SNTG1: variants seen among roughly 807,000 people sequenced by gnomAD.
The protein encoded by SNTG1 is gamma-1-syntrophin.
In SNTG1, 39 loss-of-function variants were observed where a neutral mutation model predicts 74.7. The ratio of observed to expected loss-of-function variants is 0.52; its 90% CI spans 0.40 to 0.68. The LOEUF (loss-of-function observed/expected upper bound fraction) is 0.68. SNTG1 is among the 30% of genes least tolerant of loss of function. SNTG1 has a pLI of 0.00. For missense variants in SNTG1, 685 were observed against 609.5 expected, an observed-to-expected ratio of 1.12 and a Z score of -1.30; for synonymous variants, 254 against 217.1, an observed-to-expected ratio of 1.17 and a Z score of -1.49.
At chr8:50,046,701 ATG>A (rs1207021040) in intron 1 of SNTG1, among the ~76,000 whole-genome samples, 2 of 152,154 alleles carry the variant, frequency 1.3e-5, no homozygotes, top group African/African-American at 4.8e-5. Flanking sequence ...TGTTATTTGT[ATG>A]TGTTTGTTTA....
At chr8:50,301,865 T>G (rs1282722944) in intron 2 of SNTG1, among the ~76,000 whole-genome samples, 7 of 109,898 alleles carry the variant, frequency 6.4e-5, no homozygotes, top group Non-Finnish European at 2.1e-5. Flanking sequence ...GTTTTTTGTT[T>G]TTTTTTTTTG....
intron 17 of SNTG1, among the ~76,000 whole-genome samples, chr8:50,720,337 C>A (rs1177063541): frequency 6.7e-6 from 1 of 148,484 alleles, no homozygotes; most frequent in Non-Finnish European, 1.5e-5. Context: ...ATATTACTAA[C>A]TTAGCTAACC....
chr8:50,132,694 C>A (rs1032925449), intron 1 of SNTG1, among the ~76,000 whole-genome samples: 3 of 152,172 alleles, frequency 2.0e-5, no homozygotes, highest in Non-Finnish European at 4.4e-5. Flanking sequence ...ACTCTGCACC[C>A]ATTTTTATAC....
At chr8:50,399,597 G>A (rs1474345750) in intron 3 of SNTG1, among the ~76,000 whole-genome samples, 1 of 152,048 alleles carries the variant, frequency 6.6e-6, no homozygotes, top group African/African-American at 2.4e-5. Context: ...GTGAAAAAAT[G>A]TCCTGGAATA....
At chr8:50,507,657 C>T (rs891042428) in intron 9 of SNTG1, among the ~76,000 whole-genome samples, 7 of 151,824 alleles carry the variant, frequency 4.6e-5, no homozygotes. Flanking sequence ...GTTTTTGTGG[C>T]ATCAGTTGTA....
intron 4 of SNTG1, among the ~76,000 whole-genome samples, chr8:50,428,745 C>A (rs2093195971): frequency 6.6e-6 from 1 of 152,030 alleles, no homozygotes; most frequent in African/African-American, 2.4e-5. Flanking sequence ...TAAATGTGAT[C>A]TGTAAAAGAA....
At chr8:49,922,586 G>A (rs1806650467) in intron 1 of SNTG1, among the ~76,000 whole-genome samples, 1 of 151,902 alleles carries the variant, frequency 6.6e-6, no homozygotes, top group South Asian at 2.1e-4. Flanking sequence ...AAGGGAGGAG[G>A]GACAAAGGAG....
At chr8:50,470,861 G>T (rs750642597) in intron 8 of SNTG1, among the ~76,000 whole-genome samples, 5 of 152,108 alleles carry the variant, frequency 3.3e-5, no homozygotes, top group Admixed American at 1.3e-4. Flanking sequence ...TCTGGTGGCC[G>T]GCGTTTATTC....
At chr8:50,131,527 T>C (rs1250199060) in intron 1 of SNTG1, among the ~76,000 whole-genome samples, 1 of 152,162 alleles carries the variant, frequency 6.6e-6, no homozygotes, top group Non-Finnish European at 1.5e-5. Flanking sequence ...CTGAATAATA[T>C]TCCATTGTAC....
chr8:50,431,807 G>A (rs1587605495), intron 4 of SNTG1, among the ~76,000 whole-genome samples: 1 of 152,110 alleles, frequency 6.6e-6, no homozygotes, highest in South Asian at 2.1e-4. Context: ...TCATAGGCTT[G>A]CTTGCTATTT....
intron 1 of SNTG1, among the ~76,000 whole-genome samples, chr8:49,917,596 T>G (rs1239430725): frequency 6.6e-6 from 1 of 152,174 alleles, no homozygotes; most frequent in African/African-American, 2.4e-5. Flanking sequence ...GTTAGACTAG[T>G]CTATGCACAT....
chr8:50,522,913 C>T (rs1295085436), intron 9 of SNTG1, among the ~76,000 whole-genome samples: 2 of 152,080 alleles, frequency 1.3e-5, no homozygotes, highest in Non-Finnish European at 2.9e-5. Flanking sequence ...TAGATGTCAT[C>T]TTCTTCTAAT....
chr8:50,332,385 G>GC (rs949335827), intron 2 of SNTG1, among the ~76,000 whole-genome samples: 5 of 151,608 alleles, frequency 3.3e-5, no homozygotes, highest in African/African-American at 1.2e-4. Context: ...TACATCCATG[G>GC]CCCCCACCAG....
chr8:50,667,948 G>A (rs550469506), intron 15 of SNTG1, among the ~76,000 whole-genome samples: 1 of 151,926 alleles, frequency 6.6e-6, no homozygotes. Context: ...TAATTCCCTG[G>A]TGATTTTTAA....
intron 2 of SNTG1, among the ~76,000 whole-genome samples, chr8:50,179,539 TG>T (rs1344208615): frequency 6.6e-6 from 1 of 152,108 alleles, no homozygotes; most frequent in African/African-American, 2.4e-5. Context: ...GCTATACATC[TG>T]ATAAGAAATT....
intron 1 of SNTG1, among the ~76,000 whole-genome samples, chr8:50,060,528 G>T (rs183371741): frequency 6.6e-6 from 1 of 151,874 alleles, no homozygotes; most frequent in Non-Finnish European, 1.5e-5. Context: ...TTTTTAGATG[G>T]TGTGATTTAT....
intron 15 of SNTG1, among the ~76,000 whole-genome samples, chr8:50,665,983 A>G (rs572467539): frequency 6.6e-6 from 1 of 152,314 alleles, no homozygotes; most frequent in South Asian, 2.1e-4. Context: ...ACACTTCATT[A>G]AAGCAACACA....
intron 2 of SNTG1, among the ~76,000 whole-genome samples, chr8:50,300,146 T>G (rs1022836302): frequency 6.6e-6 from 1 of 152,158 alleles, no homozygotes; most frequent in East Asian, 1.9e-4. Flanking sequence ...GCTCAGTTAG[T>G]AGCTAACTTT....
chr8:49,938,603 T>TTTTCTTTTTTTTCTTTCTTTCTTTC, intron 1 of SNTG1, among the ~76,000 whole-genome samples: 1 of 74,754 alleles, frequency 1.3e-5, no homozygotes, highest in African/African-American at 4.5e-5. Flanking sequence ...TTTTCTTTTC[T>TTTTCTTTTTTTTCTTTCTTTCTTTC]TTTCTTTCTT....
Sources: allele counts gnomAD v4.1 joint callset (sites outside exome capture counted in the v4.1 genomes callset), GRCh38; gene constraint gnomAD v4.1.1; transcripts MANE v1.5; gene names NCBI Gene and HGNC (gene_info 2026-07-23, HGNC 2026-07-21).